The following KRT74 variants were observed in gnomAD, a reference collection of about 807,000 sequenced individuals.
The protein encoded by KRT74 is keratin, type II cytoskeletal 74.
A neutral mutation model predicts 42.7 loss-of-function variants in KRT74; 43 were observed. The observed-to-expected ratio is 1.01, with a 90% CI of 0.79 to 1.30. The LOEUF (loss-of-function observed/expected upper bound fraction) is 1.30. Ranked by LOEUF, KRT74 falls within the 50% of genes most tolerant of loss-of-function variation. The probability of loss-of-function intolerance (pLI) is 0.00; values close to 1 mark genes in which losing one functional copy is unlikely to be tolerated. For missense variants in KRT74, 736 were observed against 689.1 expected (o/e 1.07, Z -0.76); for synonymous variants, 302 against 279.0 (o/e 1.08, Z -0.82).
In KRT74 at chr12:52,573,435, C is replaced by A. The variant is rs566825959; in HGVS notation, c.343G>T (p.Val115Phe). The A allele has an allele frequency of 3.7e-6, 6 of 1,614,214 alleles. No individual in the cohort carries two copies. In the South Asian group the frequency reaches 6.6e-5, roughly 18 times the overall value. ...SVCPPGGIHQVTVNKSLLAPL... is the reference protein window; with the variant it reads ...SVCPPGGIHQFTVNKSLLAPL... Reference sequence around the variant, plus strand: ...GCCAAGAGGCTCTTGTTGACAGTGACCTGGTGGATGCCCCCAGGTGGGCAC... The same window carrying A: ...GCCAAGAGGCTCTTGTTGACAGTGAACTGGTGGATGCCCCCAGGTGGGCAC... The change falls in exon 1 of 9, where the codon GTC (valine) becomes TTC (phenylalanine). Residue 115 changes from valine (V) to phenylalanine (F), a missense_variant. By Grantham distance (50) the Val-to-Phe change is conservative. Coordinates refer to ENST00000305620, the MANE Select transcript of KRT74 (RefSeq NM_175053.4).
In KRT74 at chr12:52,572,735, T is replaced by C. The variant is rs934515433; in HGVS notation, c.472-68A>G. 22 of 1,404,360 alleles carry C rather than the reference T, an allele frequency of 1.6e-5. 1 individual carries two copies. In the South Asian group the frequency reaches 2.3e-4, roughly 15 times the overall value. The allele number at this position is 1,404,360 out of a possible 1,614,324, so 87.0% of individuals were successfully genotyped here. On this transcript the variant is annotated intron_variant, in intron 1 of 8. Coordinates refer to ENST00000305620, the MANE Select transcript of KRT74 (RefSeq NM_175053.4). ...AGTCATGCCCCCTGGACACACACCATTGACTCCCCAGGTTTGCCATAGATT... is the reference window on the plus strand; with the variant it reads ...AGTCATGCCCCCTGGACACACACCACTGACTCCCCAGGTTTGCCATAGATT...
rs534751408 is a variant in KRT74, at chr12:52,571,507, C to T, written c.748-53G>A. 178 of 1,300,776 alleles carry T rather than the reference C, an allele frequency of 1.4e-4. 2 individuals carry two copies. The South Asian group carries it at 2.0e-3, about 15-fold the overall frequency. 80.6% of individuals were successfully genotyped at this position (1,300,776 alleles called of 1,614,324 possible). A position where few individuals can be genotyped will look rare whatever the true frequency, so the allele number is the denominator to read the frequency against. ...GGATGCAACCCTCATCCCACAGCTG[C>T]CCTGCCCAACTCCTGCCTCAAAGCC... On this transcript the variant is annotated intron_variant, in intron 3 of 8. Coordinates refer to ENST00000305620, the MANE Select transcript of KRT74 (RefSeq NM_175053.4).
In KRT74 at chr12:52,567,037, C is replaced by T; in HGVS notation, c.1522G>A (p.Gly508Arg). ...GQTKTTEARG[G>R]DLKDTQGKST... ...TTGCCCTGGGTGTCCTTGAGGTCTC[C>T]CCCTCGCGCCTCTGTGGTCTTGGTC... The change falls in exon 9 of 9, where the codon GGA (glycine) becomes AGA (arginine). Residue 508 changes from glycine (G) to arginine (R), a missense_variant. Transcript: ENST00000305620. 6.3e-7 allele frequency: 1 copy of T among 1,599,878 alleles called. No individual in the cohort carries two copies. Among genetic ancestry groups the T allele is most frequent in the Non-Finnish European group, 8.5e-7 (1 of 1,171,110 alleles).
At position 52,566,823 on chromosome 12, in the gene KRT74, G is replaced by T; in HGVS notation, c.*146C>A. 1 of 610,270 alleles carries T rather than the reference G, an allele frequency of 1.6e-6. No homozygotes were observed. 37.8% of individuals were successfully genotyped at this position (610,270 alleles called of 1,614,324 possible). A position where few individuals can be genotyped will look rare whatever the true frequency, so the allele number is the denominator to read the frequency against. On this transcript the variant is annotated 3_prime_UTR_variant, in exon 9 of 9. Coordinates refer to ENST00000305620, the MANE Select transcript of KRT74 (RefSeq NM_175053.4). ...TGACTGTGTCAATCAGAGCTTGAAA[G>T]TAAAAGCTAAACCACGATGCAGACA...
chr12:52,567,124 C>A lies in KRT74; in HGVS notation c.1435G>T (p.Ala479Ser), dbSNP rs1471439703. The change falls in exon 9 of 9, where the codon GCG becomes TCG. Residue 479 changes from alanine to serine, a missense_variant. Physicochemically the swap from Ala to Ser is moderately conservative, Grantham distance 99. Transcript: ENST00000305620. ...SSYSYHHPSS[A>S]GVDLGASAVA... is the part of the protein sequence containing the mutation. ...GCGCTGGCCCCAAGGTCAACACCCG[C>A]AGAGCTGGGGTGGTGGTAGCTGTAG... The A allele has an allele frequency of 2.5e-6, 4 of 1,605,374 alleles. No individual in the cohort carries two copies. Among genetic ancestry groups the A allele is most frequent in the African/African-American group, 1.3e-5 (1 of 74,746 alleles).
In KRT74 at chr12:52,566,808, A is replaced by G; in HGVS notation, c.*161T>C. 1 of 559,282 alleles carries G rather than the reference A, an allele frequency of 1.8e-6. No homozygotes were observed. Among genetic ancestry groups the G allele is most frequent in the South Asian group, 3.4e-5 (1 of 29,150 alleles). The allele number at this position is 559,282 out of a possible 1,614,324, so 34.6% of individuals were successfully genotyped here. A position where few individuals can be genotyped will look rare whatever the true frequency, so the allele number is the denominator to read the frequency against. On this transcript the variant is annotated 3_prime_UTR_variant, in exon 9 of 9. Coordinates refer to ENST00000305620, the MANE Select transcript of KRT74 (RefSeq NM_175053.4). ...AGGAAACAGGGAAGGTGACTGTGTC[A>G]ATCAGAGCTTGAAAGTAAAAGCTAA...
Position 52,567,369 on chromosome 12 carries a change from C to A in KRT74, c.1391-201G>T, listed in dbSNP as rs653956. ...ACTTCGTGTGAGGTGAAGACCCCAT[C>A]AGATAGATACAGTCCCTGCCCTCCT... is the stretch of plus-strand genomic sequence containing the variant. On this transcript the variant is annotated intron_variant, in intron 8 of 8. Coordinates refer to ENST00000305620, the MANE Select transcript of KRT74 (RefSeq NM_175053.4). Among the ~76,000 whole-genome samples the A allele has an allele frequency of 0.75, 113,076 of 151,502 alleles. 43,462 individuals are homozygous for A. The highest frequency in any genetic ancestry group is 0.94 in the African/African-American group (38,934 of 41,372).
Position 52,573,803 on chromosome 12 carries a change from C to T in KRT74, c.-26G>A. 1.3e-6 allele frequency: 2 copies of T among 1,588,842 alleles called. No homozygotes were observed. The highest frequency in any genetic ancestry group is 1.7e-6 in the Non-Finnish European group (2 of 1,158,094). ...GGTGGGAAAGGTTGAGTTGACAGAGCTGGAGAAAAGCAGTCTCCAAGGGGT... is the reference window on the plus strand; with the variant it reads ...GGTGGGAAAGGTTGAGTTGACAGAGTTGGAGAAAAGCAGTCTCCAAGGGGT... On this transcript the variant is annotated 5_prime_UTR_variant, in exon 1 of 9. Transcript: ENST00000305620.
At chr12:52,569,681 C>G in intron 6 of KRT74, 178 bp downstream of exon 6, 1 of 746,778 alleles carries the variant, frequency 1.3e-6, no homozygotes, top group African/African-American at 1.7e-5. Context: ...CAGTTCTGGG[C>G]GGGGTACCAG....
At chr12:52,570,880 C>A (rs1274138501) in intron 4 of KRT74, 47 bp from the exon 5 acceptor site, 2 of 1,610,122 alleles carry the variant, frequency 1.2e-6, no homozygotes, top group East Asian at 2.2e-5. Flanking sequence ...TGGCTTCCCT[C>A]TTCTGCCCCA....
Position 52,568,188 on chromosome 12 carries a change from G to A in KRT74, c.1336C>T (p.Leu446=). 6.2e-7 allele frequency: 1 copy of A among 1,614,186 alleles called. No individual in the cohort carries two copies. The highest frequency in any genetic ancestry group is 8.5e-7 in the Non-Finnish European group (1 of 1,180,018). The change falls in exon 7 of 9, where the codon CTG becomes TTG. Residue 446 remains leucine (L), a synonymous_variant. Coordinates refer to ENST00000305620, the MANE Select transcript of KRT74 (RefSeq NM_175053.4). ...ACCTACCTGCACTCCTCGCCCTCCAGCAGCTTGCGGTAGGTGGCAATCTCC... is the reference window on the plus strand; with the variant it reads ...ACCTACCTGCACTCCTCGCCCTCCAACAGCTTGCGGTAGGTGGCAATCTCC... ...DMEIATYRKL[L]EGEECRMSGE...
At chr12:52,572,701 A>G in intron 1 of KRT74, 34 bp from the exon 2 acceptor site, 1 of 1,591,618 alleles carries the variant, frequency 6.3e-7, no homozygotes, top group Non-Finnish European at 8.6e-7. Context: ...CTGGAACCAC[A>G]ATGGGTGCAG....
rs369054230 is a variant in KRT74, at chr12:52,570,856, A to T, written c.844-23T>A. On this transcript the variant is annotated intron_variant, in intron 4 of 8. Coordinates refer to ENST00000305620, the MANE Select transcript of KRT74 (RefSeq NM_175053.4). ...CTCCTGCATTGAGAGAGGAAGACAG[A>T]TTCAGCAACCCCCTGGCTTCCCTCT... The T allele has an allele frequency of 2.0e-4, 320 of 1,614,032 alleles. 1 individual carries two copies. The highest frequency in any genetic ancestry group is 3.3e-4 in the Middle Eastern group (2 of 6,084).
At position 52,568,714 on chromosome 12, in the gene KRT74, G is replaced by A. The variant is rs576428980; in HGVS notation, c.1135-325C>T. On this transcript the variant is annotated intron_variant, in intron 6 of 8. Transcript: ENST00000305620. ...CTACAGGTTCAGGAAAATCATGCCC[G>A]ATCCCCTAGCAAGGCCAGCCCTGAG... 1.4e-4 allele frequency among the ~76,000 whole-genome samples: 21 copies of A among 152,310 alleles called. No individual in the cohort carries two copies. In the South Asian group the frequency reaches 3.9e-3, roughly 29 times the overall value.
chr12:52,568,484 C>T, intron 6 of KRT74, 95 bp from the exon 7 acceptor site: 1 of 1,338,374 alleles, frequency 7.5e-7, no homozygotes, highest in East Asian at 2.5e-5. Flanking sequence ...GCAGATGGGG[C>T]CCTAGGTGAC....
rs113443707 is a variant in KRT74, at chr12:52,567,511, A to G, written c.1390+148T>C. 4 of 728,100 alleles carry G rather than the reference A, an allele frequency of 5.5e-6. No homozygotes were observed. In the African/African-American group the frequency reaches 7.0e-5, roughly 13 times the overall value. 45.1% of individuals were successfully genotyped at this position (728,100 alleles called of 1,614,324 possible). ...CTCAGTCACCATTTCACAGGATGAAAAGGGAGAACATTTCCTTTGAAGCCC... is the reference window on the plus strand; with the variant it reads ...CTCAGTCACCATTTCACAGGATGAAGAGGGAGAACATTTCCTTTGAAGCCC... On this transcript the variant is annotated intron_variant, in intron 8 of 8. Transcript: ENST00000305620.
chr12:52,569,372 C>A, intron 6 of KRT74: 1 of 436,384 alleles, frequency 2.3e-6, no homozygotes, highest in Non-Finnish European at 4.1e-6. Context: ...ATGCCCCACT[C>A]CGAGAGCAGG....
At chr12:52,568,981 C>T (rs3847845) in intron 6 of KRT74, among the ~76,000 whole-genome samples, 26,953 of 152,134 alleles carry the variant, frequency 0.18, 2,523 homozygotes, top group African/African-American at 0.23. Flanking sequence ...CATTGCGATG[C>T]CTGTTGCTAA....
chr12:52,566,954 G>T lies in KRT74; in HGVS notation c.*15C>A. ...ACCTCTTCTTCCAAGTGCTGAGGTG[G>T]GTGAGGCCATGGGTCTAGCGGGTGG... On this transcript the variant is annotated 3_prime_UTR_variant, in exon 9 of 9. Coordinates refer to ENST00000305620, the MANE Select transcript of KRT74 (RefSeq NM_175053.4). The T allele has an allele frequency of 6.2e-7, 1 of 1,603,408 alleles. No homozygotes were observed. Among genetic ancestry groups the T allele is most frequent in the Non-Finnish European group, 8.5e-7 (1 of 1,173,318 alleles).
Sources: allele counts gnomAD v4.1 joint callset (sites outside exome capture counted in the v4.1 genomes callset), GRCh38; gene constraint gnomAD v4.1.1; transcripts MANE v1.5; gene names NCBI Gene and HGNC (gene_info 2026-07-23, HGNC 2026-07-21).